NRBF2: variants seen among roughly 807,000 people sequenced by gnomAD.
NRBF2 encodes nuclear receptor-binding factor 2.
In NRBF2, 12 loss-of-function variants were observed where a neutral mutation model predicts 28.5. The ratio of observed to expected loss-of-function variants is 0.42; its 90% confidence interval spans 0.27 to 0.68. The LOEUF (loss-of-function observed/expected upper bound fraction) is 0.68, where lower values mean the gene tolerates loss of function less well. Ranked by LOEUF, NRBF2 falls within the 30% of genes least tolerant of loss-of-function variation. NRBF2 has a pLI of 0.24. For synonymous variants in NRBF2, 102 were observed against 116.5 expected (o/e 0.88, Z 0.80); for missense variants, 274 against 333.5 (o/e 0.82, Z 1.39).
chr10:63,136,593 A>T (rs535170727), intron 1 of NRBF2, among the ~76,000 whole-genome samples: 2 of 152,196 alleles, frequency 1.3e-5, no homozygotes, highest in Non-Finnish European at 2.9e-5. Flanking sequence ...TTTACAGATA[A>T]ATAAGCCTAA....
intron 1 of NRBF2, among the ~76,000 whole-genome samples, chr10:63,133,943 G>GCCTCCTCACCCTCCACTTCCC (rs1465771557): frequency 7.8e-5 from 11 of 141,460 alleles, no homozygotes; most frequent in East Asian, 4.8e-4. Flanking sequence ...GGAGTGAATA[G>GCCTCCTCACCCTCCACTTCCC]CCTCCTCACC....
chr10:63,149,994 T>C (rs1589021359), intron 2 of NRBF2, among the ~76,000 whole-genome samples: 1 of 149,960 alleles, frequency 6.7e-6, no homozygotes, highest in African/African-American at 2.5e-5. Flanking sequence ...CAGGCTGGAG[T>C]GCAGTGGCGT....
intron 1 of NRBF2, among the ~76,000 whole-genome samples, chr10:63,139,243 C>G (rs1398886240): frequency 2.0e-5 from 3 of 152,150 alleles, no homozygotes; most frequent in Non-Finnish European, 4.4e-5. Context: ...CTCTTGCCCT[C>G]GTGATCTGCC....
chr10:63,146,344 C>G, intron 2 of NRBF2, 51 bp downstream of exon 2: 1 of 1,269,260 alleles, frequency 7.9e-7, no homozygotes, highest in African/African-American at 1.5e-5. Context: ...CAGAAAGTCA[C>G]AATAGTAATA....
chr10:63,136,051 T>C (rs1319261224), intron 1 of NRBF2, among the ~76,000 whole-genome samples: 1 of 152,084 alleles, frequency 6.6e-6, no homozygotes, highest in African/African-American at 2.4e-5. Flanking sequence ...CTTGAATGAG[T>C]ACCAATTACA....
chr10:63,145,678 A>G (rs970599130), intron 1 of NRBF2, among the ~76,000 whole-genome samples: 1 of 152,246 alleles, frequency 6.6e-6, no homozygotes, highest in Non-Finnish European at 1.5e-5. Flanking sequence ...TGGTATCATG[A>G]ATTCATCAAC....
Position 63,133,419 on chromosome 10 carries a change from T to G in NRBF2, c.-52T>G. 6.2e-7 allele frequency: 1 copy of G among 1,607,862 alleles called. No homozygotes were observed. Among genetic ancestry groups the G allele is most frequent in the Non-Finnish European group, 8.5e-7 (1 of 1,176,886 alleles). Reference sequence around the variant, plus strand: ...GAGCTCCCTTGCAGTCCCCTCCATGTTCCCCGGCGCCACTACTCCCCTTCC... The same window carrying G: ...GAGCTCCCTTGCAGTCCCCTCCATGGTCCCCGGCGCCACTACTCCCCTTCC... On this transcript the variant is annotated 5_prime_UTR_variant, in exon 1 of 4. Transcript: ENST00000277746.
chr10:63,152,213 G>T (rs772585062), intron 3 of NRBF2, 23 bp downstream of exon 3: 1 of 1,605,182 alleles, frequency 6.2e-7, no homozygotes, highest in Admixed American at 1.7e-5. Context: ...CCCAATATTT[G>T]CGACAAGGGT....
chr10:63,152,391 ACTT>A (rs1841664202), intron 3 of NRBF2, among the ~76,000 whole-genome samples: 1 of 152,244 alleles, frequency 6.6e-6, no homozygotes, highest in Admixed American at 6.5e-5. Context: ...GAATGCAGAA[ACTT>A]CTTTTTTTCT....
chr10:63,133,544 C>A, intron 1 of NRBF2, 44 bp downstream of exon 1: 1 of 1,446,014 alleles, frequency 6.9e-7, no homozygotes, highest in Non-Finnish European at 9.7e-7. Context: ...GGTGCCTTTG[C>A]CTCAGGAGCC....
At chr10:63,140,113 C>T (rs1289239899) in intron 1 of NRBF2, among the ~76,000 whole-genome samples, 1 of 151,990 alleles carries the variant, frequency 6.6e-6, no homozygotes, top group Admixed American at 6.6e-5. Flanking sequence ...ATTCCAGCCT[C>T]TGGGTGACAG....
chr10:63,146,719 A>T (rs1031730606), intron 2 of NRBF2, among the ~76,000 whole-genome samples: 2 of 152,238 alleles, frequency 1.3e-5, no homozygotes, highest in Non-Finnish European at 2.9e-5. Context: ...AAAACTTACT[A>T]TAAGACTTTT....
intron 1 of NRBF2, among the ~76,000 whole-genome samples, chr10:63,138,789 G>A (rs1021893799): frequency 5.3e-5 from 8 of 151,924 alleles, no homozygotes; most frequent in African/African-American, 1.7e-4. Context: ...ACACTTGAGC[G>A]CTTATCTTCA....
intron 1 of NRBF2, among the ~76,000 whole-genome samples, chr10:63,142,012 T>C (rs1220870932): frequency 1.3e-5 from 2 of 150,734 alleles, no homozygotes; most frequent in Non-Finnish European, 3.0e-5. Context: ...GGACCTGCTC[T>C]CACTGTTTGA....
At chr10:63,139,979 A>T (rs1457245393) in intron 1 of NRBF2, among the ~76,000 whole-genome samples, 1 of 146,568 alleles carries the variant, frequency 6.8e-6, no homozygotes, top group Admixed American at 6.8e-5. Flanking sequence ...CTACCAAAAG[A>T]AAAAAAAAAA....
At chr10:63,140,139 C>G (rs1434935489) in intron 1 of NRBF2, among the ~76,000 whole-genome samples, 3 of 150,518 alleles carry the variant, frequency 2.0e-5, no homozygotes, top group Non-Finnish European at 4.4e-5. Flanking sequence ...GACCCCATCT[C>G]AAAAAAAACA....
chr10:63,135,913 G>A (rs1366290898), intron 1 of NRBF2, among the ~76,000 whole-genome samples: 1 of 152,138 alleles, frequency 6.6e-6, no homozygotes, highest in Non-Finnish European at 1.5e-5. Context: ...CAAAGTGCTG[G>A]GATTACAGGC....
rs773193130 is a variant in NRBF2 at position 63,154,036 on chromosome 10, T to C, written c.682T>C (p.Trp228Arg). The change falls in exon 4 of 4, where the codon TGG becomes CGG. Residue 228 changes from tryptophan to arginine, a missense_variant. Coordinates refer to ENST00000277746, the MANE Select transcript of NRBF2 (RefSeq NM_030759.5). Reference sequence around the variant, plus strand: ...TGATTTTGTAGAAACGTCAGAGTTATGGAGCTTGCCACCACATGCAGAAAC... The same window carrying C: ...TGATTTTGTAGAAACGTCAGAGTTACGGAGCTTGCCACCACATGCAGAAAC... ...DADFVETSEL[W>R]SLPPHAETAT... is the part of the protein sequence containing the mutation. 15 of 1,612,670 alleles carry C rather than the reference T, an allele frequency of 9.3e-6. No individual in the cohort carries two copies. Among genetic ancestry groups the C allele is most frequent in the African/African-American group, 1.3e-5 (1 of 74,892 alleles).
At chr10:63,149,258 A>C (rs1841609588) in intron 2 of NRBF2, among the ~76,000 whole-genome samples, 1 of 152,222 alleles carries the variant, frequency 6.6e-6, no homozygotes, top group Non-Finnish European at 1.5e-5. Flanking sequence ...CTGGGACTAC[A>C]GGCATGCGCC....
Sources: gnomAD v4.1 joint callset for allele counts (sites outside exome capture counted in the v4.1 genomes callset) on GRCh38, gnomAD v4.1.1 for gene constraint, MANE v1.5 for transcripts, NCBI Gene and HGNC (gene_info 2026-07-23, HGNC 2026-07-21) for gene names.